The following FHOD3 variants were observed in gnomAD, a reference collection of about 807,000 sequenced individuals.
The protein encoded by FHOD3 is FH1/FH2 domain-containing protein 3.
Under a neutral mutation model 173.0 loss-of-function variants are expected in FHOD3, and 90 were observed. The ratio of observed to expected loss-of-function variants is 0.52; its 90% CI spans 0.44 to 0.62. The LOEUF (loss-of-function observed/expected upper bound fraction) is 0.62, where lower values mean the gene tolerates loss of function less well. Ranked by LOEUF, FHOD3 falls within the 20% of genes least tolerant of loss-of-function variation. The probability of loss-of-function intolerance (pLI) is 0.00; values close to 1 mark genes in which losing one functional copy is unlikely to be tolerated. For synonymous variants in FHOD3, 828 were observed against 823.0 expected (o/e 1.01, Z -0.10); for missense variants, 1,945 against 2,034.7 (o/e 0.96, Z 0.85).
chr18:36,347,994 T>A (rs1420422168), intron 1 of FHOD3, among the ~76,000 whole-genome samples: 1 of 152,250 alleles, frequency 6.6e-6, no homozygotes. Flanking sequence ...TCAGAGTGCG[T>A]GCCCTGTATC....
chr18:36,685,503 A>G (rs1166987923), intron 15 of FHOD3, among the ~76,000 whole-genome samples: 1 of 152,206 alleles, frequency 6.6e-6, no homozygotes, highest in East Asian at 1.9e-4. Context: ...CAAAGCATCT[A>G]AAAGTTGTTC....
intron 14 of FHOD3, among the ~76,000 whole-genome samples, chr18:36,659,846 C>T (rs1014522998): frequency 1.3e-5 from 2 of 152,206 alleles, no homozygotes; most frequent in Non-Finnish European, 2.9e-5. Flanking sequence ...CCACTGGAAT[C>T]CCAGGTCCAG....
intron 6 of FHOD3, among the ~76,000 whole-genome samples, chr18:36,578,814 A>G (rs1032528462): frequency 7.9e-5 from 12 of 152,082 alleles, no homozygotes; most frequent in Non-Finnish European, 1.2e-4. Flanking sequence ...GCGAATCCCC[A>G]TGGGGTCCCA....
Position 36,648,159 on chromosome 18 carries a change from A to G in FHOD3, c.1197-1157A>G, listed in dbSNP as rs933749800. ...ATGCACATGCATTAGGAGGTGAAGA[A>G]TTTGGGTGAGAGGAAAGGAATGAGA... On this transcript the variant is annotated intron_variant, in intron 10 of 28. Coordinates refer to ENST00000590592, the MANE Select transcript of FHOD3 (RefSeq NM_001281740.3). 1.8e-4 allele frequency among the ~76,000 whole-genome samples: 27 copies of G among 152,240 alleles called. 1 individual carries two copies. The highest frequency in any genetic ancestry group is 6.3e-4 in the African/African-American group (26 of 41,552).
intron 9 of FHOD3, among the ~76,000 whole-genome samples, chr18:36,618,260 C>G (rs987085541): frequency 6.7e-6 from 1 of 149,316 alleles, no homozygotes; most frequent in African/African-American, 2.5e-5. Context: ...ATCTTTTAAC[C>G]ATCATTGCAT....
intron 1 of FHOD3, among the ~76,000 whole-genome samples, chr18:36,316,861 A>C (rs887548576): frequency 3.3e-5 from 5 of 151,970 alleles, no homozygotes; most frequent in African/African-American, 1.2e-4. Flanking sequence ...TCCTAATGCT[A>C]TCCCTCCCAC....
At chr18:36,612,885 C>T (rs183047076) in intron 9 of FHOD3, among the ~76,000 whole-genome samples, 47 of 152,310 alleles carry the variant, frequency 3.1e-4, no homozygotes, top group Non-Finnish European at 5.6e-4. Context: ...GGGGTGTGTG[C>T]ATTCTACCAA....
rs527796935 is a variant in FHOD3 at position 36,742,183 on chromosome 18, C to T, written c.3760-554C>T. On this transcript the variant is annotated intron_variant, in intron 21 of 28. Transcript: ENST00000590592. ...GCAGTGAGGGTGGGGGAGATGGAGG[C>T]CATGAGGCTACAGAGCAGGCTGGAG... Among the ~76,000 whole-genome samples, 7 of 152,110 alleles carry T rather than the reference C, an allele frequency of 4.6e-5. No individual in the cohort carries two copies. In the South Asian group the frequency reaches 1.5e-3, roughly 32 times the overall value.
intron 3 of FHOD3, 95 bp downstream of exon 3, chr18:36,372,839 C>T: frequency 9.6e-7 from 1 of 1,038,736 alleles, no homozygotes; most frequent in Non-Finnish European, 1.4e-6. Flanking sequence ...TCTGTTTGCA[C>T]TAGCCCCTAT....
intron 10 of FHOD3, among the ~76,000 whole-genome samples, chr18:36,646,998 A>G (rs1194133604): frequency 1.3e-5 from 2 of 152,220 alleles, no homozygotes; most frequent in African/African-American, 2.4e-5. Context: ...GCACTTTGGG[A>G]GGCCAAGGCG....
At chr18:36,745,296 C>A (rs182216482) in intron 23 of FHOD3, among the ~76,000 whole-genome samples, 2 of 152,298 alleles carry the variant, frequency 1.3e-5, no homozygotes, top group East Asian at 3.9e-4. Flanking sequence ...GAAAGCGAAG[C>A]CTTTCCTATC....
intron 3 of FHOD3, among the ~76,000 whole-genome samples, chr18:36,468,536 GGT>G (rs1158983786): frequency 2.0e-5 from 3 of 152,180 alleles, no homozygotes; most frequent in African/African-American, 7.2e-5. Context: ...GTGCCCTGTG[GGT>G]GTGAGCCAGT....
chr18:36,594,329 A>G (rs2029927389), intron 6 of FHOD3, among the ~76,000 whole-genome samples: 1 of 151,936 alleles, frequency 6.6e-6, no homozygotes, highest in South Asian at 2.1e-4. Context: ...GTTCCCTTCC[A>G]CCTAAGCTGG....
intron 5 of FHOD3, among the ~76,000 whole-genome samples, chr18:36,513,010 A>G (rs1457690466): frequency 6.6e-6 from 1 of 152,206 alleles, no homozygotes; most frequent in Non-Finnish European, 1.5e-5. Context: ...CTGATTCGAT[A>G]GTTTTGAGCG....
At chr18:36,637,599 A>G (rs2034982405) in intron 10 of FHOD3, among the ~76,000 whole-genome samples, 1 of 152,196 alleles carries the variant, frequency 6.6e-6, no homozygotes, top group African/African-American at 2.4e-5. Flanking sequence ...TGGATCTGAG[A>G]ATACAGTGGT....
intron 1 of FHOD3, among the ~76,000 whole-genome samples, chr18:36,317,550 TTGCCCACTTTTTGATG>T (rs1431854244): frequency 2.0e-5 from 3 of 152,254 alleles, no homozygotes; most frequent in African/African-American, 7.2e-5. Flanking sequence ...TTCATATCCT[TTGCCCACTTTTTGATG>T]GGGTTGTTTG....
chr18:36,385,086 G>T (rs781339065), intron 3 of FHOD3, among the ~76,000 whole-genome samples: 4 of 152,170 alleles, frequency 2.6e-5, no homozygotes, highest in Non-Finnish European at 5.9e-5. Flanking sequence ...TCTTGAAGGA[G>T]CCCATCTTCC....
At chr18:36,512,955 G>A (rs767358837) in intron 5 of FHOD3, among the ~76,000 whole-genome samples, 2 of 152,140 alleles carry the variant, frequency 1.3e-5, no homozygotes, top group Admixed American at 6.5e-5. Context: ...GTTATCACCT[G>A]GGGCTTTTGT....
intron 3 of FHOD3, among the ~76,000 whole-genome samples, chr18:36,479,892 T>G (rs1345904040): frequency 1.3e-5 from 2 of 152,192 alleles, no homozygotes; most frequent in African/African-American, 4.8e-5. Flanking sequence ...TCCTGCAACC[T>G]ATTCTTCCCA....
Sources: allele counts gnomAD v4.1 joint callset (sites outside exome capture counted in the v4.1 genomes callset), GRCh38; gene constraint gnomAD v4.1.1; transcripts MANE v1.5; gene names NCBI Gene and HGNC (gene_info 2026-07-23, HGNC 2026-07-21).